VPS45: variants seen among roughly 807,000 people sequenced by gnomAD.
VPS45 encodes the protein vacuolar protein sorting-associated protein 45.
VPS45 carries 35 observed loss-of-function variants against 75.9 expected under a neutral mutation model. The ratio of observed to expected loss-of-function variants is 0.46; its 90% CI spans 0.35 to 0.61. The LOEUF is 0.61. VPS45 is among the 20% of genes least tolerant of loss of function. VPS45 has a pLI of 0.00. For missense variants in VPS45, 559 were observed against 685.9 expected (o/e 0.81, Z 2.07); for synonymous variants, 220 against 238.2 (o/e 0.92, Z 0.70).
intron 14 of VPS45, among the ~76,000 whole-genome samples, chr1:150,136,754 A>G (rs188948349): frequency 3.4e-5 from 5 of 146,156 alleles, no homozygotes; most frequent in Non-Finnish European, 7.5e-5. Context: ...AGCATGATTA[A>G]GGACAGGAGC....
intron 12 of VPS45, 31 bp from the exon 13 acceptor site, chr1:150,093,496 A>G: frequency 6.2e-7 from 1 of 1,601,210 alleles, no homozygotes; most frequent in Non-Finnish European, 8.5e-7. Context: ...TTTCCCAAAA[A>G]TGACATAAGA....
At chr1:150,143,536 TGA>T (rs1553815842) in intron 14 of VPS45, among the ~76,000 whole-genome samples, 1 of 149,968 alleles carries the variant, frequency 6.7e-6, no homozygotes, top group African/African-American at 2.5e-5. Context: ...TGCAGTGAGC[TGA>T]GATTGTGCCA....
intron 7 of VPS45, among the ~76,000 whole-genome samples, chr1:150,078,753 C>G (rs1472603809): frequency 6.6e-6 from 1 of 150,402 alleles, no homozygotes; most frequent in African/African-American, 2.5e-5. Flanking sequence ...CAGAGCAAGA[C>G]TCCGTCTCCA....
intron 3 of VPS45, among the ~76,000 whole-genome samples, chr1:150,073,394 C>CTA (rs1374094054): frequency 9.9e-5 from 15 of 151,766 alleles, no homozygotes; most frequent in Middle Eastern, 3.4e-3. Flanking sequence ...TGCGAAAAGA[C>CTA]TATATATATA....
chr1:150,117,463 A>G (rs55958060), intron 14 of VPS45, among the ~76,000 whole-genome samples: 4,103 of 152,050 alleles, frequency 0.027, 143 homozygotes, highest in African/African-American at 0.089. Context: ...CGGAGGTTGC[A>G]GTGAGCCGAG....
rs1659612113 is a variant in VPS45, at chr1:150,145,204, A to G, written c.*408A>G. ...CATTAACCACATTCCTGCACAACTC[A>G]TTTCTGAAAACCTACCATGTTTCTT... On this transcript the variant is annotated 3_prime_UTR_variant, in exon 15 of 15. Transcript: ENST00000644510. 3.6e-6 allele frequency: 1 copy of G among 277,164 alleles called. No homozygotes were observed. Among genetic ancestry groups the G allele is most frequent in the East Asian group, 6.2e-5 (1 of 16,120 alleles). 17.2% of individuals were successfully genotyped at this position (277,164 alleles called of 1,614,324 possible).
intron 13 of VPS45, among the ~76,000 whole-genome samples, chr1:150,094,541 A>G (rs762332908): frequency 6.7e-3 from 4 of 598 alleles, no homozygotes; most frequent in Admixed American, 0.033. Flanking sequence ...TTTGGTACAG[A>G]ACAGAAAAAA....
At chr1:150,119,926 T>C (rs1038951480) in intron 14 of VPS45, among the ~76,000 whole-genome samples, 6 of 152,064 alleles carry the variant, frequency 3.9e-5, no homozygotes. Flanking sequence ...CTGACCAACA[T>C]GGAGAAACCC....
At chr1:150,076,044 GCCTGGCCAGT>G (rs1299482810) in intron 3 of VPS45, among the ~76,000 whole-genome samples, 179 bp from the exon 4 acceptor site, 1 of 146,164 alleles carries the variant, frequency 6.8e-6, no homozygotes, top group Non-Finnish European at 1.5e-5. Context: ...GAGCCACCGC[GCCTGGCCAGT>G]CCTTTTAAAA....
intron 14 of VPS45, among the ~76,000 whole-genome samples, chr1:150,143,606 T>C (rs1386947934): frequency 2.0e-5 from 3 of 148,120 alleles, no homozygotes; most frequent in African/African-American, 7.5e-5. Flanking sequence ...AAAAAGAAGA[T>C]TTCAGCAGAG....
chr1:150,081,827 A>G, intron 8 of VPS45, 57 bp from the exon 9 acceptor site: 1 of 1,088,658 alleles, frequency 9.2e-7, no homozygotes. Context: ...ACTTCTTTCA[A>G]GTTGTCTGAA....
rs782012057 is a variant in VPS45 at position 150,074,010 on chromosome 1, G to T, written c.289+1784G>T. Among the ~76,000 whole-genome samples the T allele has an allele frequency of 8.2e-4, 16 of 19,514 alleles. No homozygotes were observed. In the South Asian group the frequency reaches 0.037, roughly 45 times the overall value. The allele number at this position is 19,514 out of a possible 152,430, so 12.8% of individuals were successfully genotyped here. The stretch of plus-strand genomic sequence containing the variant: ...GCTGTTCTGTGTGTGTGTGTGTGTT[G>T]TTTTTGTTTTTTTTTTTTGTCCGAG... On this transcript the variant is annotated intron_variant, in intron 3 of 14. Transcript: ENST00000644510.
At chr1:150,068,867 C>A in intron 2 of VPS45, 103 bp downstream of exon 2, 1 of 1,236,534 alleles carries the variant, frequency 8.1e-7, no homozygotes, top group Non-Finnish European at 1.1e-6. Flanking sequence ...TAATTTGTGG[C>A]ATCATAATTA....
chr1:150,070,057 G>A (rs782286647), intron 2 of VPS45, among the ~76,000 whole-genome samples: 12 of 152,064 alleles, frequency 7.9e-5, no homozygotes, highest in East Asian at 3.9e-4. Context: ...CATGCCACGG[G>A]ACGTTTGCAT....
At chr1:150,121,988 C>G (rs971458065) in intron 14 of VPS45, among the ~76,000 whole-genome samples, 3 of 152,136 alleles carry the variant, frequency 2.0e-5, no homozygotes, top group Non-Finnish European at 2.9e-5. Context: ...CTGTAGGTTA[C>G]ACTACTCAGT....
intron 14 of VPS45, among the ~76,000 whole-genome samples, chr1:150,114,649 A>G (rs1404113373): frequency 3.3e-5 from 5 of 151,110 alleles, no homozygotes; most frequent in Non-Finnish European, 7.4e-5. Context: ...TAATCCCAGC[A>G]CTTTGGGAGG....
chr1:150,068,493 G>T (rs1654849914), intron 1 of VPS45, 137 bp from the exon 2 acceptor site: 8 of 729,040 alleles, frequency 1.1e-5, no homozygotes, highest in Non-Finnish European at 1.6e-5. Context: ...TACCTGTTTG[G>T]ATGTTCAGTA....
intron 1 of VPS45, 38 bp downstream of exon 1, chr1:150,067,988 T>C (rs781980422): frequency 1.9e-6 from 3 of 1,579,874 alleles, no homozygotes; most frequent in Non-Finnish European, 2.6e-6. Context: ...GAAGGAACCC[T>C]CTCAACCTTA....
chr1:150,082,760 T>TTACAGAAAATAA lies in VPS45; in HGVS notation c.981_982insTACAGAAAATAA (p.Thr327_Val328insTyrArgLysTer). The stretch of plus-strand genomic sequence containing the variant: ...CACAGTTCAAGAAAATGTCTGGGAC[T>TTACAGAAAATAA]GTTTCAAAGCATGTGACAGTGGTTG... On this transcript the variant is annotated stop_gained and inframe_insertion, in exon 10 of 15. Transcript: ENST00000644510. LOFTEE classifies it high-confidence loss of function. The TTACAGAAAATAA allele has an allele frequency of 6.2e-7, 1 of 1,614,116 alleles. No homozygotes were observed. The highest frequency in any genetic ancestry group is 1.1e-5 in the South Asian group (1 of 91,060).
Sources: allele counts gnomAD v4.1 joint callset (sites outside exome capture counted in the v4.1 genomes callset), GRCh38; gene constraint gnomAD v4.1.1; transcripts MANE v1.5; gene names NCBI Gene and HGNC (gene_info 2026-07-23, HGNC 2026-07-21).